The following RGS7 variants were observed in gnomAD, a reference collection of about 807,000 sequenced individuals.
RGS7 encodes regulator of G protein signaling 7, also known as regulator of G-protein signaling 7.
In RGS7, 27 loss-of-function variants were observed where a neutral mutation model predicts 81.1. The observed-to-expected ratio is 0.33, with a 90% CI of 0.25 to 0.46. RGS7 has a LOEUF of 0.46. Ranked by LOEUF, RGS7 falls within the 20% of genes least tolerant of loss-of-function variation. The probability of loss-of-function intolerance (pLI) is 1.00; values close to 1 mark genes in which losing one functional copy is unlikely to be tolerated. For synonymous variants in RGS7, 208 were observed against 207.7 expected, an observed-to-expected ratio of 1.00 and a Z score of -0.01; for missense variants, 396 against 607.4, an observed-to-expected ratio of 0.65 and a Z score of 3.66.
intron 2 of RGS7, among the ~76,000 whole-genome samples, chr1:241,324,263 T>C (rs1047340662): frequency 6.6e-5 from 10 of 152,114 alleles, no homozygotes; most frequent in Non-Finnish European, 1.2e-4. Flanking sequence ...TAGACTATTA[T>C]AGTTAAGATT....
intron 2 of RGS7, among the ~76,000 whole-genome samples, chr1:241,258,040 C>T (rs1283197513): frequency 1.3e-5 from 2 of 152,086 alleles, no homozygotes; most frequent in Admixed American, 1.3e-4. Context: ...CTCCTGAAAA[C>T]CTCAGAGTAA....
In RGS7 at chr1:241,210,155, A is replaced by AT. The variant is rs199641964; in HGVS notation, c.79-111394dup. Among the ~76,000 whole-genome samples the AT allele has an allele frequency of 5.3e-5, 8 of 151,798 alleles. No individual in the cohort carries two copies. In the East Asian group the frequency reaches 1.4e-3, roughly 26 times the overall value. On this transcript the variant is annotated intron_variant, in intron 2 of 18. Coordinates refer to ENST00000440928, the MANE Select transcript of RGS7 (RefSeq NM_001364886.1). ...CAGGAATGCAACCATATATATATAT[A>AT]TTTTTTCTTTTTGAGATGGAGTCTC... is the stretch of plus-strand genomic sequence containing the variant.
At chr1:240,990,537 T>G (rs964279300) in intron 3 of RGS7, among the ~76,000 whole-genome samples, 22 of 152,244 alleles carry the variant, frequency 1.4e-4, no homozygotes, top group Admixed American at 9.8e-4. Context: ...TGTGTTTTTA[T>G]GAGTGGGCAT....
chr1:241,339,895 C>A (rs1051277639), intron 2 of RGS7, among the ~76,000 whole-genome samples: 1 of 152,030 alleles, frequency 6.6e-6, no homozygotes, highest in Non-Finnish European at 1.5e-5. Context: ...GCCATTACTA[C>A]AGAAAAAGAG....
At chr1:241,146,969 G>A (rs149134824) in intron 2 of RGS7, among the ~76,000 whole-genome samples, 8 of 152,220 alleles carry the variant, frequency 5.3e-5, no homozygotes, top group Middle Eastern at 6.8e-3. Context: ...TGGGGGTGAG[G>A]ATTTCAACAT....
At chr1:241,123,912 C>A (rs2066467381) in intron 2 of RGS7, among the ~76,000 whole-genome samples, 1 of 152,158 alleles carries the variant, frequency 6.6e-6, no homozygotes, top group Non-Finnish European at 1.5e-5. Context: ...AGAGGGCCTG[C>A]CCCTGGAGAA....
chr1:241,046,141 G>A (rs1320559959), intron 3 of RGS7, among the ~76,000 whole-genome samples: 1 of 152,022 alleles, frequency 6.6e-6, no homozygotes, highest in Non-Finnish European at 1.5e-5. Context: ...GAGATTTGGG[G>A]TAGATCCATT....
At chr1:241,196,981 C>A (rs2073120311) in intron 2 of RGS7, among the ~76,000 whole-genome samples, 1 of 109,872 alleles carries the variant, frequency 9.1e-6, no homozygotes, top group African/African-American at 2.9e-5. Context: ...TGAATCCATC[C>A]AAAAGAATGT....
chr1:240,903,283 G>A (rs1035203140), intron 6 of RGS7, among the ~76,000 whole-genome samples: 2 of 152,142 alleles, frequency 1.3e-5, no homozygotes, highest in Non-Finnish European at 2.9e-5. Flanking sequence ...TGTCCAATAT[G>A]ATAGCCATTA....
intron 6 of RGS7, among the ~76,000 whole-genome samples, chr1:240,906,495 C>G (rs577314007): frequency 6.6e-6 from 1 of 152,278 alleles, no homozygotes; most frequent in East Asian, 1.9e-4. Context: ...AGACATTTTT[C>G]TTTTCCAAGC....
At chr1:241,261,826 T>C (rs187681921) in intron 2 of RGS7, among the ~76,000 whole-genome samples, 4 of 152,068 alleles carry the variant, frequency 2.6e-5, no homozygotes, top group Admixed American at 6.6e-5. Flanking sequence ...CCATGATGAT[T>C]AGTAAAGCAA....
At chr1:240,864,018 G>T (rs1306837046) in intron 9 of RGS7, among the ~76,000 whole-genome samples, 4 of 152,018 alleles carry the variant, frequency 2.6e-5, no homozygotes, top group South Asian at 2.1e-4. Context: ...CTCTCCCACC[G>T]CTAGCTCTGA....
intron 2 of RGS7, among the ~76,000 whole-genome samples, chr1:241,132,694 T>C (rs968606181): frequency 6.6e-6 from 1 of 152,148 alleles, no homozygotes; most frequent in Admixed American, 6.5e-5. Context: ...ATCTCAAAGT[T>C]AAAAAATGGG....
chr1:241,148,817 T>G lies in RGS7; in HGVS notation c.79-50055A>C, dbSNP rs181145953. On this transcript the variant is annotated intron_variant, in intron 2 of 18. Transcript: ENST00000440928. ...TGTATGTGCGTATGCACACCACACA[T>G]AAAACAAATAACAGTTTTACATGCA... Among the ~76,000 whole-genome samples, 3 of 152,362 alleles carry G rather than the reference T, an allele frequency of 2.0e-5. No individual in the cohort carries two copies. In the East Asian group the frequency reaches 5.8e-4, roughly 29 times the overall value.
At chr1:241,103,010 CAA>C (rs59775668) in intron 2 of RGS7, among the ~76,000 whole-genome samples, 4 of 127,070 alleles carry the variant, frequency 3.1e-5, no homozygotes, top group Non-Finnish European at 1.7e-5. Flanking sequence ...TACAAGCAAG[CAA>C]AAAAAAAAAA....
intron 6 of RGS7, among the ~76,000 whole-genome samples, chr1:240,903,977 A>G (rs929047915): frequency 6.6e-6 from 1 of 152,214 alleles, no homozygotes; most frequent in Non-Finnish European, 1.5e-5. Flanking sequence ...TGTGAGCCAA[A>G]TAAACCTCTT....
intron 2 of RGS7, among the ~76,000 whole-genome samples, chr1:241,283,643 G>T (rs747196468): frequency 6.6e-6 from 1 of 152,086 alleles, no homozygotes; most frequent in Non-Finnish European, 1.5e-5. Context: ...TCAGCTTCTT[G>T]AATCTGTAGG....
intron 4 of RGS7, among the ~76,000 whole-genome samples, chr1:240,949,847 C>CAAAA (rs57421740): frequency 3.3e-4 from 30 of 91,890 alleles, no homozygotes; most frequent in Non-Finnish European, 4.1e-4. Flanking sequence ...GACTCTGACT[C>CAAAA]AAAAAAAAAA....
At chr1:241,103,159 G>A (rs1033461503) in intron 2 of RGS7, among the ~76,000 whole-genome samples, 1 of 149,446 alleles carries the variant, frequency 6.7e-6, no homozygotes, top group African/African-American at 2.5e-5. Context: ...ATATATGTAT[G>A]TGTGTGTATA....
Sources: allele counts gnomAD v4.1 joint callset (sites outside exome capture counted in the v4.1 genomes callset), GRCh38; gene constraint gnomAD v4.1.1; transcripts MANE v1.5; gene names NCBI Gene and HGNC (gene_info 2026-07-23, HGNC 2026-07-21).